HCLS1: variants seen among roughly 807,000 people sequenced by gnomAD.
HCLS1 encodes hematopoietic lineage cell-specific protein.
In HCLS1, 44 loss-of-function variants were observed where a neutral mutation model predicts 68.6. That is an observed-to-expected ratio of 0.64 (90% CI 0.50 to 0.82). HCLS1 has a LOEUF of 0.82. HCLS1 is among the 40% of genes least tolerant of loss of function. HCLS1 has a pLI of 0.00. For synonymous variants in HCLS1, 217 were observed against 225.8 expected, an observed-to-expected ratio of 0.96 and a Z score of 0.35; for missense variants, 602 against 612.1, an observed-to-expected ratio of 0.98 and a Z score of 0.17.
chr3:121,653,175 C>T (rs1021804398), intron 3 of HCLS1, among the ~76,000 whole-genome samples: 12 of 152,114 alleles, frequency 7.9e-5, no homozygotes, highest in African/African-American at 2.9e-4. Context: ...ATGAAGGTAA[C>T]TTTATTTTTC....
At chr3:121,655,971 C>G (rs1337038700) in intron 3 of HCLS1, 3 of 151,846 alleles carry the variant, frequency 2.0e-5, no homozygotes, top group Non-Finnish European at 4.4e-5. Flanking sequence ...GCTTCGGCCT[C>G]CTGAGTAGCT....
At chr3:121,633,878 ACT>A (rs958676578) in intron 10 of HCLS1, among the ~76,000 whole-genome samples, 3 of 151,842 alleles carry the variant, frequency 2.0e-5, no homozygotes, top group African/African-American at 7.2e-5. Flanking sequence ...ACCCTCTCCC[ACT>A]CTCTGCCAAT....
At chr3:121,644,614 C>A (rs975346206) in intron 5 of HCLS1, 3 of 681,390 alleles carry the variant, frequency 4.4e-6, no homozygotes, top group South Asian at 1.5e-5. Flanking sequence ...CTATTTGAAT[C>A]ACTGTCTTTC....
chr3:121,650,651 A>G (rs1363487566), intron 3 of HCLS1, among the ~76,000 whole-genome samples: 1 of 152,234 alleles, frequency 6.6e-6, no homozygotes, highest in African/African-American at 2.4e-5. Flanking sequence ...TCTACTTGAA[A>G]TGGGTCATAG....
chr3:121,635,626 T>C, intron 9 of HCLS1, 109 bp downstream of exon 9: 1 of 865,148 alleles, frequency 1.2e-6, no homozygotes, highest in South Asian at 1.4e-5. Flanking sequence ...GGATCAGGTC[T>C]AACTCAGCTA....
chr3:121,645,480 TAA>T lies in HCLS1; in HGVS notation c.289-554_289-553del, dbSNP rs1027733383. On this transcript the variant is annotated intron_variant, in intron 4 of 13. Transcript: ENST00000314583. The stretch of plus-strand genomic sequence containing the variant: ...ACTAAATACACAGTAAATAAAATAA[TAA>T]AGAGAAGTTGCAACATAGACATAAT... Among the ~76,000 whole-genome samples, 136 of 152,188 alleles carry T rather than the reference TAA, an allele frequency of 8.9e-4. 1 individual carries two copies. Among genetic ancestry groups the T allele is most frequent in the African/African-American group, 3.3e-3 (135 of 41,526 alleles).
At chr3:121,652,216 T>C (rs9864907) in intron 3 of HCLS1, among the ~76,000 whole-genome samples, 105,911 of 152,086 alleles carry the variant, frequency 0.7, 37,665 homozygotes, top group East Asian at 0.85. Flanking sequence ...AAGATCAGTA[T>C]GGGGTGTATT....
At chr3:121,635,047 G>A (rs1576460936) in intron 9 of HCLS1, among the ~76,000 whole-genome samples, 2 of 151,948 alleles carry the variant, frequency 1.3e-5, no homozygotes, top group East Asian at 1.9e-4. Flanking sequence ...AACCTCATCC[G>A]AAACTCCTGT....
At chr3:121,658,415 C>A in intron 1 of HCLS1, 68 bp from the exon 2 acceptor site, 1 of 1,227,830 alleles carries the variant, frequency 8.1e-7, no homozygotes, top group Non-Finnish European at 1.2e-6. Flanking sequence ...AATAGGAATG[C>A]TGAAGTCAAA....
At chr3:121,656,730 C>A (rs1358182007) in intron 3 of HCLS1, among the ~76,000 whole-genome samples, 1 of 152,176 alleles carries the variant, frequency 6.6e-6, no homozygotes, top group Non-Finnish European at 1.5e-5. Flanking sequence ...TAGCTAAGTA[C>A]AAATCTGTAT....
intron 6 of HCLS1, among the ~76,000 whole-genome samples, chr3:121,638,216 C>G (rs1452269770): frequency 6.6e-6 from 1 of 152,036 alleles, no homozygotes; most frequent in Non-Finnish European, 1.5e-5. Context: ...CAGGTGCCAC[C>G]ATGACTTGCT....
intron 3 of HCLS1, chr3:121,654,370 T>C (rs566736031): frequency 6.6e-6 from 1 of 152,360 alleles, no homozygotes; most frequent in African/African-American, 2.4e-5. Context: ...TTTTTAACCA[T>C]TTATTTTTCC....
chr3:121,632,468 G>C lies in HCLS1; in HGVS notation c.1104C>G (p.Pro368=). 1.9e-6 allele frequency: 3 copies of C among 1,613,118 alleles called. No individual in the cohort carries two copies. Among genetic ancestry groups the C allele is most frequent in the African/African-American group, 1.3e-5 (1 of 74,750 alleles). ...CATTCTCAGGCTCGGGCTCAGGCTCGGGCTCAGGCTCAGGCTCTGCTTCGT... is the reference window on the plus strand; with the variant it reads ...CATTCTCAGGCTCGGGCTCAGGCTCCGGCTCAGGCTCAGGCTCTGCTTCGT... ...PVYEAEPEPE[P]EPEPEPENDY... The change falls in exon 12 of 14, where the codon CCC becomes CCG. Residue 368 remains proline, a synonymous_variant. Coordinates refer to ENST00000314583, the MANE Select transcript of HCLS1 (RefSeq NM_005335.6).
chr3:121,658,236 G>C, intron 2 of HCLS1, 28 bp downstream of exon 2: 2 of 1,576,022 alleles, frequency 1.3e-6, no homozygotes, highest in Admixed American at 1.7e-5. Flanking sequence ...CCTCTGCACT[G>C]TCCAAGCAAA....
intron 10 of HCLS1, 48 bp from the exon 11 acceptor site, chr3:121,633,219 T>G: frequency 8.5e-7 from 1 of 1,173,536 alleles, no homozygotes. Context: ...CCATCTTCAC[T>G]CCTTTTTTTT....
Position 121,644,830 on chromosome 3 carries a change from G to C in HCLS1, c.387C>G (p.Asp129Glu), listed in dbSNP as rs1328799550. 1.1e-5 allele frequency: 17 copies of C among 1,611,816 alleles called. No individual in the cohort carries two copies. The highest frequency in any genetic ancestry group is 1.4e-5 in the Non-Finnish European group (17 of 1,178,034). Residue 129 changes from aspartate to glutamate, a missense_variant, in exon 5 of 14, where the codon GAC (aspartate) becomes GAG (glutamate). Physicochemically the swap from Asp to Glu is conservative, Grantham distance 45 (BLOSUM62 2). Coordinates refer to ENST00000314583, the MANE Select transcript of HCLS1 (RefSeq NM_005335.6). ...GFGGKYGVER[D>E]RADKSAVGFD... ...AGTGGTCACTTACCTTGTCTGCCCTGTCCCTCTCAACTCCGTACTTGCCCC... is the reference window on the plus strand; with the variant it reads ...AGTGGTCACTTACCTTGTCTGCCCTCTCCCTCTCAACTCCGTACTTGCCCC...
At chr3:121,658,016 G>A (rs6792659) in intron 2 of HCLS1, 325,139 of 448,056 alleles carry the variant, frequency 0.73, 119,975 homozygotes, top group East Asian at 0.86. Flanking sequence ...CACCTTCAGT[G>A]TAGCCTGCCA....
At chr3:121,644,360 T>G (rs1020655308) in intron 5 of HCLS1, 2 of 289,700 alleles carry the variant, frequency 6.9e-6, no homozygotes, top group South Asian at 3.4e-5. Context: ...CTTCATAGAT[T>G]GATGCTAAAT....
At chr3:121,649,017 T>A (rs533409437) in intron 3 of HCLS1, among the ~76,000 whole-genome samples, 2 of 152,348 alleles carry the variant, frequency 1.3e-5, no homozygotes, top group African/African-American at 4.8e-5. Flanking sequence ...TGCAATTTTT[T>A]AATGAATATA....
Sources: gnomAD v4.1 joint callset for allele counts (sites outside exome capture counted in the v4.1 genomes callset) on GRCh38, gnomAD v4.1.1 for gene constraint, MANE v1.5 for transcripts, NCBI Gene and HGNC (gene_info 2026-07-23, HGNC 2026-07-21) for gene names.